Variants in IL1RAPL1 observed in about 807,000 individuals in gnomAD.
IL1RAPL1 encodes the protein interleukin 1 receptor accessory protein like 1.
Under a neutral mutation model 48.4 loss-of-function variants are expected in IL1RAPL1, and 3 were observed. That is an observed-to-expected ratio of 0.06 (90% CI 0.03 to 0.16). The LOEUF (loss-of-function observed/expected upper bound fraction) is 0.16. Ranked by LOEUF, IL1RAPL1 falls within the 10% of genes least tolerant of loss-of-function variation. The pLI is 1.00. For synonymous variants in IL1RAPL1, 185 were observed against 187.7 expected (o/e 0.99, Z 0.12); for missense variants, 349 against 530.6 (o/e 0.66, Z 3.36).
intron 2 of IL1RAPL1, among the ~76,000 whole-genome samples, chrX:29,153,559 A>G (rs1929508817): frequency 8.9e-6 from 1 of 112,230 alleles, no homozygotes; most frequent in Non-Finnish European, 1.9e-5. Flanking sequence ...CATAATGTAT[A>G]TTTCGTTTTG....
At chrX:29,944,140 A>G (rs1273019706) in intron 9 of IL1RAPL1, among the ~76,000 whole-genome samples, 1 of 111,959 alleles carries the variant, frequency 8.9e-6, no homozygotes, top group Non-Finnish European at 1.9e-5. Context: ...GAAAACCAAG[A>G]TAACAAACTT....
At chrX:28,825,818 A>G (rs750831627) in intron 2 of IL1RAPL1, among the ~76,000 whole-genome samples, 2 of 111,599 alleles carry the variant, frequency 1.8e-5, no homozygotes, top group East Asian at 2.8e-4. Context: ...CAGTGACTCA[A>G]TAAGGTTTAA....
Position 29,276,366 on chromosome X carries a change from G to A in IL1RAPL1, c.83-6572G>A, listed in dbSNP as rs771926336. On this transcript the variant is annotated intron_variant, in intron 2 of 10. Transcript: ENST00000378993. ...AAACTATGTTTAATATATCAACAAGGATTTATTGAGTTCTGAAGTACACTC... is the reference window on the plus strand; with the variant it reads ...AAACTATGTTTAATATATCAACAAGAATTTATTGAGTTCTGAAGTACACTC... 9.5e-4 allele frequency among the ~76,000 whole-genome samples: 106 copies of A among 111,845 alleles called. 1 individual carries two copies. The highest frequency in any genetic ancestry group is 2.8e-4 in the Non-Finnish European group (15 of 53,183).
chrX:29,170,085 T>G (rs903552065), intron 2 of IL1RAPL1, among the ~76,000 whole-genome samples: 3 of 111,678 alleles, frequency 2.7e-5, no homozygotes, highest in Non-Finnish European at 3.8e-5. Context: ...CTACACAGAT[T>G]ACAAATAAGT....
chrX:29,391,616 A>G (rs1005379730), intron 3 of IL1RAPL1, among the ~76,000 whole-genome samples: 1 of 112,077 alleles, frequency 8.9e-6, no homozygotes, highest in Non-Finnish European at 1.9e-5. Context: ...AAAGTCCTGA[A>G]GAAAATTTGA....
At chrX:29,530,706 TCA>T (rs751683416) in intron 5 of IL1RAPL1, among the ~76,000 whole-genome samples, 8 of 112,052 alleles carry the variant, frequency 7.1e-5, no homozygotes, top group Admixed American at 1.9e-4. Flanking sequence ...GGTAAGTGTC[TCA>T]CAGAATCTGC....
intron 5 of IL1RAPL1, among the ~76,000 whole-genome samples, chrX:29,595,696 A>AG (rs2147059065): frequency 9.0e-6 from 1 of 111,498 alleles, no homozygotes; most frequent in East Asian, 2.8e-4. Flanking sequence ...ATTTTCTGTT[A>AG]ATTCTGATTA....
chrX:29,194,123 AAG>A (rs1334584314), intron 2 of IL1RAPL1, among the ~76,000 whole-genome samples: 1 of 112,232 alleles, frequency 8.9e-6, no homozygotes, highest in East Asian at 2.8e-4. Flanking sequence ...AGTAAATTAA[AAG>A]AGCATTTAAA....
intron 5 of IL1RAPL1, among the ~76,000 whole-genome samples, chrX:29,640,715 G>A (rs1925139035): frequency 8.9e-6 from 1 of 112,067 alleles, no homozygotes; most frequent in South Asian, 3.7e-4. Flanking sequence ...CCTCTCTACT[G>A]CTGCTGTCTT....
At chrX:29,575,993 A>T (rs1922761824) in intron 5 of IL1RAPL1, among the ~76,000 whole-genome samples, 1 of 112,168 alleles carries the variant, frequency 8.9e-6, no homozygotes, top group South Asian at 3.7e-4. Context: ...TGAGTGTCTG[A>T]ATGTTTAATT....
At chrX:29,319,490 C>CTATAATGTG (rs1414503158) in intron 3 of IL1RAPL1, among the ~76,000 whole-genome samples, 2 of 100,596 alleles carry the variant, frequency 2.0e-5, no homozygotes, top group Non-Finnish European at 4.0e-5. Context: ...AGACATAAGT[C>CTATAATGTG]ACCATGCCTG....
intron 2 of IL1RAPL1, among the ~76,000 whole-genome samples, chrX:29,012,162 G>T (rs926572752): frequency 8.9e-6 from 1 of 112,321 alleles, no homozygotes; most frequent in Non-Finnish European, 1.9e-5. Context: ...AAATTTTGTT[G>T]AACCAAAATA....
intron 3 of IL1RAPL1, among the ~76,000 whole-genome samples, chrX:29,386,864 A>C (rs1933784828): frequency 8.9e-6 from 1 of 112,018 alleles, no homozygotes; most frequent in Admixed American, 9.5e-5. Flanking sequence ...TTAAATGCTC[A>C]GTAAGTGAGA....
intron 5 of IL1RAPL1, among the ~76,000 whole-genome samples, chrX:29,532,175 G>A (rs757653422): frequency 8.9e-6 from 1 of 111,877 alleles, no homozygotes; most frequent in East Asian, 2.8e-4. Context: ...CTGCATTGGA[G>A]TGAGAGTGAC....
At chrX:29,206,601 A>T (rs16988474) in intron 2 of IL1RAPL1, among the ~76,000 whole-genome samples, 3,262 of 111,852 alleles carry the variant, frequency 0.029, 120 homozygotes, top group African/African-American at 0.1. Context: ...TAGTAATTAT[A>T]CTTTTCCTAT....
intron 2 of IL1RAPL1, among the ~76,000 whole-genome samples, chrX:28,845,377 C>G (rs747232418): frequency 9.1e-6 from 1 of 109,918 alleles, no homozygotes; most frequent in Non-Finnish European, 1.9e-5. Flanking sequence ...TTTAATTGTA[C>G]GTATTAAAAA....
intron 6 of IL1RAPL1, among the ~76,000 whole-genome samples, chrX:29,674,804 G>T (rs888820497): frequency 7.6e-4 from 85 of 111,475 alleles, no homozygotes; most frequent in African/African-American, 2.6e-3. Flanking sequence ...CCACTTATAA[G>T]TGAGAACATG....
chrX:29,423,162 T>C (rs1477050075), intron 5 of IL1RAPL1, among the ~76,000 whole-genome samples: 2 of 111,894 alleles, frequency 1.8e-5, no homozygotes, highest in Non-Finnish European at 3.8e-5. Flanking sequence ...ATTCCAAGTC[T>C]TAGATAAATT....
chrX:29,219,620 G>T (rs772056961), intron 2 of IL1RAPL1, among the ~76,000 whole-genome samples: 36 of 111,580 alleles, frequency 3.2e-4, no homozygotes, highest in African/African-American at 1.1e-3. Flanking sequence ...GCCACTTCCA[G>T]TTTGACCTTC....
Sources: gnomAD v4.1 joint callset for allele counts (sites outside exome capture counted in the v4.1 genomes callset) on GRCh38, gnomAD v4.1.1 for gene constraint, MANE v1.5 for transcripts, NCBI Gene and HGNC (gene_info 2026-07-23, HGNC 2026-07-21) for gene names.